The following RANBP2 variants were observed in gnomAD, a reference collection of about 807,000 sequenced individuals.
The protein encoded by RANBP2 is RAN binding protein 2, also known as E3 SUMO-protein ligase RanBP2.
A neutral mutation model predicts 303.6 loss-of-function variants in RANBP2; 57 were observed. The ratio of observed to expected loss-of-function variants is 0.19; its 90% CI spans 0.15 to 0.23. The LOEUF is 0.23. Ranked by LOEUF, RANBP2 falls within the 10% of genes least tolerant of loss-of-function variation. The probability of loss-of-function intolerance (pLI) is 1.00; values close to 1 mark genes in which losing one functional copy is unlikely to be tolerated. For missense variants in RANBP2, 3,138 were observed against 3,780.8 expected, an observed-to-expected ratio of 0.83 and a Z score of 4.46; for synonymous variants, 1,167 against 1,301.5, an observed-to-expected ratio of 0.90 and a Z score of 2.23.
At chr2:108,779,884 A>G (rs189612657) in intron 25 of RANBP2, among the ~76,000 whole-genome samples, 43 of 152,314 alleles carry the variant, frequency 2.8e-4, no homozygotes, top group African/African-American at 9.1e-4. Context: ...ACATTCCAGC[A>G]TTAGCTTCTT....
At chr2:108,956,827 T>C in the RANBP2 span, among the ~76,000 whole-genome samples, 1 of 152,256 alleles carries the variant, frequency 6.6e-6, no homozygotes, top group African/African-American at 2.4e-5. Flanking sequence ...TTGTTCTTGT[T>C]GCCCAGGCTA....
At chr2:109,285,253 TGTGAAGGGCAG>T in the RANBP2 span, among the ~76,000 whole-genome samples, 1 of 152,208 alleles carries the variant, frequency 6.6e-6, no homozygotes, top group Admixed American at 6.5e-5. Flanking sequence ...ATCCACTCAG[TGTGAAGGGCAG>T]GACAGCTTCC....
chr2:109,544,827 T>G, the RANBP2 span: 4 of 753,920 alleles, frequency 5.3e-6, no homozygotes, highest in Non-Finnish European at 6.5e-6. Context: ...ACAACTGCTC[T>G]AGGCTCTGGG....
At chr2:109,342,646 C>T in the RANBP2 span, among the ~76,000 whole-genome samples, 116 of 152,350 alleles carry the variant, frequency 7.6e-4, no homozygotes, top group Admixed American at 1.2e-3. Context: ...GACTCTGGCA[C>T]CCGCCCTTAC....
the RANBP2 span, among the ~76,000 whole-genome samples, chr2:109,154,377 C>T: frequency 6.6e-6 from 1 of 152,178 alleles, no homozygotes; most frequent in Non-Finnish European, 1.5e-5. Flanking sequence ...GTAGGGAGTA[C>T]AGATACACAG....
the RANBP2 span, among the ~76,000 whole-genome samples, chr2:109,122,003 G>A: frequency 2.2e-4 from 34 of 152,180 alleles, no homozygotes; most frequent in Non-Finnish European, 4.6e-4. Flanking sequence ...TTGCTAGTGG[G>A]AAGGATACAA....
the RANBP2 span, among the ~76,000 whole-genome samples, chr2:109,297,168 G>A: frequency 6.6e-6 from 1 of 151,928 alleles, no homozygotes; most frequent in Non-Finnish European, 1.5e-5. Context: ...ACAGCAGAGA[G>A]AGCAGGGCCT....
chr2:108,757,531 C>G (rs549269083), intron 17 of RANBP2, among the ~76,000 whole-genome samples: 28 of 152,262 alleles, frequency 1.8e-4, no homozygotes, highest in African/African-American at 6.7e-4. Context: ...ATAATAAATT[C>G]TCTGCAGCTA....
At chr2:109,294,289 C>G in the RANBP2 span, among the ~76,000 whole-genome samples, 2 of 152,036 alleles carry the variant, frequency 1.3e-5, no homozygotes, top group Non-Finnish European at 2.9e-5. Context: ...GTGCCGTGTG[C>G]GGTGGTCATG....
the RANBP2 span, among the ~76,000 whole-genome samples, chr2:109,680,322 G>A: frequency 6.6e-6 from 1 of 151,308 alleles, no homozygotes; most frequent in South Asian, 2.1e-4. Context: ...CACTGCAAGA[G>A]ATCACGCCAC....
chr2:109,559,915 T>C, the RANBP2 span, among the ~76,000 whole-genome samples: 1 of 148,460 alleles, frequency 6.7e-6, no homozygotes, highest in African/African-American at 2.5e-5. Flanking sequence ...CAATGCCTTT[T>C]TTTTTTTTTT....
At chr2:109,563,745 T>C in the RANBP2 span, among the ~76,000 whole-genome samples, 1 of 152,194 alleles carries the variant, frequency 6.6e-6, no homozygotes, top group Non-Finnish European at 1.5e-5. Context: ...CCTTCTTCCT[T>C]TATAATATGT....
the RANBP2 span, chr2:108,930,872 G>C: frequency 7.2e-7 from 1 of 1,384,458 alleles, no homozygotes; most frequent in Non-Finnish European, 1.0e-6. Context: ...ACTATGATCA[G>C]CATTCCCATT....
the RANBP2 span, among the ~76,000 whole-genome samples, chr2:109,136,873 C>G: frequency 1.3e-5 from 2 of 152,128 alleles, no homozygotes; most frequent in Non-Finnish European, 2.9e-5. Context: ...TGCAGCCGGG[C>G]TCTCTGAGAG....
the RANBP2 span, among the ~76,000 whole-genome samples, chr2:109,610,818 G>A: frequency 4.6e-5 from 7 of 152,296 alleles, no homozygotes; most frequent in East Asian, 1.4e-3. Context: ...AACATTTAAT[G>A]TAATTCCTCT....
the RANBP2 span, among the ~76,000 whole-genome samples, chr2:109,584,652 A>G: frequency 6.6e-6 from 1 of 152,180 alleles, no homozygotes; most frequent in African/African-American, 2.4e-5. Context: ...GACACAAGGT[A>G]AAATATAAAT....
At chr2:109,318,934 T>G in the RANBP2 span, among the ~76,000 whole-genome samples, 9 of 152,244 alleles carry the variant, frequency 5.9e-5, no homozygotes, top group Non-Finnish European at 1.3e-4. Context: ...GTAATGAAAC[T>G]GTACTTCATA....
rs1331446988 is a variant in RANBP2, at chr2:108,785,708, T to G, written c.*1807T>G. 6.6e-6 allele frequency: 1 copy of G among 152,238 alleles called. No homozygotes were observed. Among genetic ancestry groups the G allele is most frequent in the Non-Finnish European group, 1.5e-5 (1 of 68,030 alleles). 9.4% of individuals were successfully genotyped at this position (152,238 alleles called of 1,614,324 possible). On this transcript the variant is annotated 3_prime_UTR_variant, in exon 29 of 29. Transcript: ENST00000283195. Reference sequence around the variant, plus strand: ...TTTCTCTTTGTTATTTAATCACTGATGTGGTCTAAACCCACGATAATATGT... The same window carrying G: ...TTTCTCTTTGTTATTTAATCACTGAGGTGGTCTAAACCCACGATAATATGT...
chr2:108,981,460 C>A, the RANBP2 span, among the ~76,000 whole-genome samples: 1 of 152,144 alleles, frequency 6.6e-6, no homozygotes, highest in Non-Finnish European at 1.5e-5. Flanking sequence ...CTGCTCTTGG[C>A]CTTGGGGATA....
Sources: gnomAD v4.1 joint callset for allele counts (sites outside exome capture counted in the v4.1 genomes callset) on GRCh38, gnomAD v4.1.1 for gene constraint, MANE v1.5 for transcripts, NCBI Gene and HGNC (gene_info 2026-07-23, HGNC 2026-07-21) for gene names.